The following CATSPERD variants were observed in gnomAD, a reference collection of about 807,000 sequenced individuals.
CATSPERD encodes the protein catsper channel auxiliary subunit delta.
Under a neutral mutation model 98.1 loss-of-function variants are expected in CATSPERD, and 86 were observed. That is an observed-to-expected ratio of 0.88 (90% confidence interval 0.74 to 1.05). The LOEUF is 1.05. Among genes scored for constraint, CATSPERD ranks in the 50% least tolerant of loss-of-function variants. The pLI is 0.00. For synonymous variants in CATSPERD, 394 were observed against 390.2 expected (o/e 1.01, Z -0.12); for missense variants, 995 against 1,005.7 (o/e 0.99, Z 0.14).
chr19:5,749,526 T>C (rs932620895), intron 11 of CATSPERD, among the ~76,000 whole-genome samples: 4 of 152,168 alleles, frequency 2.6e-5, no homozygotes, highest in African/African-American at 9.6e-5. Flanking sequence ...TGAACCTTTT[T>C]TCGAAGGCTA....
At position 5,766,024 on chromosome 19, in the gene CATSPERD, T is replaced by C. The variant is rs117519080; in HGVS notation, c.1507-79T>C. The C allele has an allele frequency of 1.1e-3, 1,171 of 1,044,010 alleles. 24 individuals are homozygous for C. The East Asian group carries it at 0.025, about 23-fold the overall frequency. The allele number at this position is 1,044,010 out of a possible 1,614,324, so 64.7% of individuals were successfully genotyped here. On this transcript the variant is annotated intron_variant, in intron 16 of 21. Coordinates refer to ENST00000381624, the MANE Select transcript of CATSPERD (RefSeq NM_152784.4). ...GGTTTCCAAACCATTCCCACAGGAGTGTGTCCCTGTATAGGGTTCACTGTG... is the reference window on the plus strand; with the variant it reads ...GGTTTCCAAACCATTCCCACAGGAGCGTGTCCCTGTATAGGGTTCACTGTG...
Position 5,737,850 on chromosome 19 carries a change from C to CAA in CATSPERD, c.459+658_459+659dup, listed in dbSNP as rs560043195. Among the ~76,000 whole-genome samples the CAA allele has an allele frequency of 1.5e-3, 163 of 110,962 alleles. 2 individuals carry two copies. Among genetic ancestry groups the CAA allele is most frequent in the African/African-American group, 5.1e-3 (156 of 30,736 alleles). The allele number at this position is 110,962 out of a possible 152,430, so 72.8% of individuals were successfully genotyped here. ...GGGCAACAAGAGTGAAACTCCATCT[C>CAA]AAAAAAAAAAAAAAGAAAAAAGATA... On this transcript the variant is annotated intron_variant, in intron 6 of 21. Transcript: ENST00000381624.
chr19:5,755,135 T>C lies in CATSPERD; in HGVS notation c.1278+890T>C, dbSNP rs2056300925. Among the ~76,000 whole-genome samples, 2 of 152,026 alleles carry C rather than the reference T, an allele frequency of 1.3e-5. 1 individual carries two copies. The highest frequency in any genetic ancestry group is 4.1e-4 in the South Asian group (2 of 4,826). ...CTGGGATTACAGGCGTGAGCCACCATGCTGGCCTCATTTTCTTAACTCAGC... is the reference window on the plus strand; with the variant it reads ...CTGGGATTACAGGCGTGAGCCACCACGCTGGCCTCATTTTCTTAACTCAGC... On this transcript the variant is annotated intron_variant, in intron 13 of 21. Coordinates refer to ENST00000381624, the MANE Select transcript of CATSPERD (RefSeq NM_152784.4).
chr19:5,773,569 G>C (rs1450148173), intron 20 of CATSPERD, among the ~76,000 whole-genome samples: 1 of 152,090 alleles, frequency 6.6e-6, no homozygotes, highest in African/African-American at 2.4e-5. Context: ...TGTCTCCCAG[G>C]CTGGAGTGCA....
At chr19:5,755,141 C>G (rs2056301067) in intron 13 of CATSPERD, among the ~76,000 whole-genome samples, 1 of 151,974 alleles carries the variant, frequency 6.6e-6, no homozygotes, top group African/African-American at 2.4e-5. Flanking sequence ...ACCATGCTGG[C>G]CTCATTTTCT....
rs147884578 is a variant in CATSPERD, at chr19:5,753,280, G to T, written c.1165-852G>T. Among the ~76,000 whole-genome samples the T allele has an allele frequency of 2.6e-4, 39 of 152,110 alleles. 1 individual carries two copies. The East Asian group carries it at 7.4e-3, about 29-fold the overall frequency. On this transcript the variant is annotated intron_variant, in intron 12 of 21. Coordinates refer to ENST00000381624, the MANE Select transcript of CATSPERD (RefSeq NM_152784.4). ...CTACTCTAAAGAAACAGAAAGAGGG[G>T]GCGGGCGCGGTGGCTCACGCCTGTA...
In CATSPERD at chr19:5,748,559, A is replaced by G. The variant is rs780918618; in HGVS notation, c.904+304A>G. On this transcript the variant is annotated intron_variant, in intron 10 of 21. Coordinates refer to ENST00000381624, the MANE Select transcript of CATSPERD (RefSeq NM_152784.4). ...GGCAGGAGAATCGCTGGAACCCGGG[A>G]GGTGGAGTGAGCAGTGAGCAGATCG... 1.6e-3 allele frequency among the ~76,000 whole-genome samples: 214 copies of G among 136,352 alleles called. 1 individual carries two copies. The highest frequency in any genetic ancestry group is 5.2e-4 in the Non-Finnish European group (34 of 65,090). 89.5% of individuals were successfully genotyped at this position (136,352 alleles called of 152,430 possible).
intron 5 of CATSPERD, among the ~76,000 whole-genome samples, chr19:5,734,935 C>G (rs1029832393): frequency 2.6e-5 from 4 of 152,026 alleles, no homozygotes; most frequent in African/African-American, 9.7e-5. Flanking sequence ...CCCTCCCACA[C>G]ACTTCTCACG....
chr19:5,759,873 C>CCT (rs2056401485), intron 15 of CATSPERD, among the ~76,000 whole-genome samples: 4 of 151,750 alleles, frequency 2.6e-5, no homozygotes, highest in Non-Finnish European at 5.9e-5. Context: ...GTCAGGAGTT[C>CCT]GAGACCAGCC....
intron 13 of CATSPERD, among the ~76,000 whole-genome samples, chr19:5,755,703 G>T (rs867473376): frequency 6.6e-6 from 1 of 152,058 alleles, no homozygotes; most frequent in African/African-American, 2.4e-5. Flanking sequence ...AACCCAGGAG[G>T]CGGAGGTTGC....
intron 6 of CATSPERD, among the ~76,000 whole-genome samples, chr19:5,738,975 G>A (rs113537916): frequency 1.8e-3 from 280 of 152,130 alleles, no homozygotes; most frequent in Middle Eastern, 0.017. Context: ...TGATCCGCCC[G>A]CCTCAGCCTC....
chr19:5,727,063 C>T (rs540738335), intron 2 of CATSPERD, among the ~76,000 whole-genome samples: 4 of 152,008 alleles, frequency 2.6e-5, no homozygotes, highest in African/African-American at 7.2e-5. Flanking sequence ...GGCATGGTGG[C>T]GGGCGCCTGT....
intron 15 of CATSPERD, among the ~76,000 whole-genome samples, chr19:5,760,461 G>A (rs1348895747): frequency 1.3e-5 from 2 of 151,764 alleles, no homozygotes; most frequent in Non-Finnish European, 2.9e-5. Context: ...TGCACCTTGA[G>A]GACAACATGC....
chr19:5,750,860 T>C (rs547169555), intron 11 of CATSPERD, among the ~76,000 whole-genome samples: 1 of 152,018 alleles, frequency 6.6e-6, no homozygotes, highest in Non-Finnish European at 1.5e-5. Flanking sequence ...CCTTTCTTCC[T>C]TCCTTTCTCT....
intron 16 of CATSPERD, among the ~76,000 whole-genome samples, chr19:5,763,900 TGCA>T (rs551332948): frequency 9.9e-4 from 131 of 131,790 alleles, no homozygotes; most frequent in African/African-American, 3.7e-3. Flanking sequence ...CAGACTGGAA[TGCA>T]GTGGTGCGAT....
intron 13 of CATSPERD, among the ~76,000 whole-genome samples, chr19:5,755,660 C>T (rs1011078812): frequency 5.3e-5 from 8 of 151,994 alleles, no homozygotes; most frequent in Non-Finnish European, 1.2e-4. Flanking sequence ...GTAATCCCAG[C>T]TACTGGAGAG....
intron 3 of CATSPERD, 116 bp downstream of exon 3, chr19:5,727,460 C>T (rs1599506814): frequency 2.6e-6 from 2 of 784,128 alleles, no homozygotes; most frequent in East Asian, 5.2e-5. Flanking sequence ...TTGCTAGTTG[C>T]TGGCCTGTAG....
At chr19:5,758,911 G>C (rs1402119178) in intron 14 of CATSPERD, among the ~76,000 whole-genome samples, 175 bp from the exon 15 acceptor site, 1 of 131,390 alleles carries the variant, frequency 7.6e-6, no homozygotes, top group Non-Finnish European at 1.6e-5. Context: ...GCAACAGAGA[G>C]AGACTCCATC....
intron 1 of CATSPERD, among the ~76,000 whole-genome samples, chr19:5,722,847 G>T (rs959651492): frequency 5.9e-5 from 9 of 151,982 alleles, no homozygotes; most frequent in African/African-American, 1.9e-4. Flanking sequence ...CGAATACCTT[G>T]TTGCAGGACT....
Sources: allele counts gnomAD v4.1 joint callset (sites outside exome capture counted in the v4.1 genomes callset), GRCh38; gene constraint gnomAD v4.1.1; transcripts MANE v1.5; gene names NCBI Gene and HGNC (gene_info 2026-07-23, HGNC 2026-07-21).